Variants in SNX15 observed in about 807,000 individuals in gnomAD.
The protein encoded by SNX15 is sorting nexin-15.
In SNX15, 29 loss-of-function variants were observed where a neutral mutation model predicts 35.2. The observed-to-expected ratio is 0.82, with a 90% CI of 0.61 to 1.12. The LOEUF (loss-of-function observed/expected upper bound fraction) is 1.12, where lower values mean the gene tolerates loss of function less well. Ranked by LOEUF, SNX15 falls within the 50% of genes most tolerant of loss-of-function variation. The pLI, the probability that SNX15 is intolerant of heterozygous loss-of-function variation, is 0.00. For synonymous variants in SNX15, 189 were observed against 188.2 expected (o/e 1.00, Z -0.03); for missense variants, 400 against 451.5 (o/e 0.89, Z 1.03).
At chr11:65,035,709 T>A in intron 6 of SNX15, 46 bp downstream of exon 6, 3 of 1,560,556 alleles carry the variant, frequency 1.9e-6, no homozygotes, top group Non-Finnish European at 2.6e-6. Context: ...AGGACGTCCT[T>A]GGGACAGGGA....
Position 65,027,626 on chromosome 11 carries a change from T to C in SNX15, c.89T>C (p.Val30Ala). ...CCCAAGGGCTACACCGAGTACAAAG[T>C]AACCGCGCAGGTGAGGTGGGGCCCA... The part of the protein sequence containing the change: ...THPKGYTEYK[V>A]TAQFISKKDP... The change falls in exon 1 of 8, where the codon GTA (valine) becomes GCA (alanine). Residue 30 changes from valine (V) to alanine (A), a missense_variant. By Grantham distance (64) the Val-to-Ala change is moderately conservative (BLOSUM62 0). Transcript: ENST00000377244. The C allele has an allele frequency of 1.2e-6, 2 of 1,613,398 alleles. No individual in the cohort carries two copies. The highest frequency in any genetic ancestry group is 1.7e-6 in the Non-Finnish European group (2 of 1,179,446).
At chr11:65,029,823 CA>C (rs1946420834) in intron 1 of SNX15, among the ~76,000 whole-genome samples, 1 of 152,046 alleles carries the variant, frequency 6.6e-6, no homozygotes, top group African/African-American at 2.4e-5. Context: ...GTTATCCTCC[CA>C]CCTCGGCCTT....
In SNX15 at chr11:65,027,618, G is replaced by A. The variant is rs1276372769; in HGVS notation, c.81G>A (p.Glu27=). 2.5e-6 allele frequency: 4 copies of A among 1,613,714 alleles called. No individual in the cohort carries two copies. Among genetic ancestry groups the A allele is most frequent in the East Asian group, 4.5e-5 (2 of 44,882 alleles). The change falls in exon 1 of 8, where the codon GAG becomes GAA. Residue 27 remains glutamate (E), a synonymous_variant. Coordinates refer to ENST00000377244, the MANE Select transcript of SNX15 (RefSeq NM_013306.5). ...DPRTHPKGYT[E]YKVTAQFISK... ...GGACTCACCCCAAGGGCTACACCGA[G>A]TACAAAGTAACCGCGCAGGTGAGGT...
rs114647790 is a variant in SNX15, at chr11:65,034,815, C to G, written c.257-32C>G. 3 of 1,574,266 alleles carry G rather than the reference C, an allele frequency of 1.9e-6. No homozygotes were observed. In the East Asian group the frequency reaches 6.7e-5, roughly 35 times the overall value. On this transcript the variant is annotated intron_variant, in intron 3 of 7. Transcript: ENST00000377244. ...CAGAAGCCCCTGTGGGTCACCGCCACTCTCCCCTGTTCCTTGTCCTGGGGG... is the reference window on the plus strand; with the variant it reads ...CAGAAGCCCCTGTGGGTCACCGCCAGTCTCCCCTGTTCCTTGTCCTGGGGG...
chr11:65,027,836 T>C (rs968743458), intron 1 of SNX15, among the ~76,000 whole-genome samples, 200 bp downstream of exon 1: 4 of 152,186 alleles, frequency 2.6e-5, no homozygotes, highest in African/African-American at 4.8e-5. Flanking sequence ...CTGTCTTTTT[T>C]AAAAGGGCGT....
At position 65,027,542 on chromosome 11, in the gene SNX15, C is replaced by T. The variant is rs564214650; in HGVS notation, c.5C>T (p.Ser2Phe). 2 of 1,613,794 alleles carry T rather than the reference C, an allele frequency of 1.2e-6. No individual in the cohort carries two copies. Among genetic ancestry groups the T allele is most frequent in the Non-Finnish European group, 1.7e-6 (2 of 1,179,892 alleles). The change falls in exon 1 of 8, where the codon TCC becomes TTC. Residue 2 changes from serine to phenylalanine, a missense_variant. Transcript: ENST00000377244. ...GCTCCGCTCCAGCTCGGTTTCATGTCCCGCCAGGCGAAGGATGACTTCCTG... is the reference window on the plus strand; with the variant it reads ...GCTCCGCTCCAGCTCGGTTTCATGTTCCGCCAGGCGAAGGATGACTTCCTG... The part of the protein sequence containing the change: M[S>F]RQAKDDFLRH...
At chr11:65,039,514 G>A (rs1009870477) in intron 7 of SNX15, among the ~76,000 whole-genome samples, 172 bp from the exon 8 acceptor site, 7 of 152,144 alleles carry the variant, frequency 4.6e-5, no homozygotes, top group Non-Finnish European at 8.8e-5. Flanking sequence ...GAGCCACCGC[G>A]CCCAGCATGG....
At chr11:65,037,531 G>A (rs1309747703) in intron 6 of SNX15, 1 of 152,184 alleles carries the variant, frequency 6.6e-6, no homozygotes, top group Non-Finnish European at 1.5e-5. Context: ...ATCTTTTCAA[G>A]ACCCTTCACA....
In SNX15 at chr11:65,035,567, T is replaced by C. The variant is rs754233995; in HGVS notation, c.568T>C (p.Phe190Leu). The C allele has an allele frequency of 6.2e-7, 1 of 1,613,876 alleles. No homozygotes were observed. Among genetic ancestry groups the C allele is most frequent in the Non-Finnish European group, 8.5e-7 (1 of 1,179,882 alleles). Residue 190 changes from phenylalanine (F) to leucine (L), a missense_variant, in exon 6 of 8, where the codon TTT (phenylalanine) becomes CTT (leucine). Coordinates refer to ENST00000377244, the MANE Select transcript of SNX15 (RefSeq NM_013306.5). Reference sequence around the variant, plus strand: ...TGCCCAGGAGGCCCTGGATCTCCTCTTTAACTGTGAGAGCACCGAGGAGGC... The same window carrying C: ...TGCCCAGGAGGCCCTGGATCTCCTCCTTAACTGTGAGAGCACCGAGGAGGC... ...SPAQEALDLL[F>L]NCESTEEASG...
chr11:65,039,110 G>GC (rs908673767), intron 7 of SNX15, among the ~76,000 whole-genome samples: 5 of 134,774 alleles, frequency 3.7e-5, no homozygotes, highest in African/African-American at 8.3e-5. Context: ...TGCAACCTCC[G>GC]CCCCCCAGGT....
chr11:65,027,635 A>C lies in SNX15; in HGVS notation c.98A>C (p.Gln33Pro). The C allele has an allele frequency of 1.9e-6, 3 of 1,611,868 alleles. No individual in the cohort carries two copies. Among genetic ancestry groups the C allele is most frequent in the Non-Finnish European group, 2.5e-6 (3 of 1,178,030 alleles). ...KGYTEYKVTA[Q>P]FISKKDPEDV... is the part of the protein sequence containing the mutation. ...TACACCGAGTACAAAGTAACCGCGCAGGTGAGGTGGGGCCCAGCGCGTACT... is the reference window on the plus strand; with the variant it reads ...TACACCGAGTACAAAGTAACCGCGCCGGTGAGGTGGGGCCCAGCGCGTACT... The change falls in exon 1 of 8, where the codon CAG becomes CCG. Residue 33 changes from glutamine to proline, a missense_variant and splice_region_variant. By Grantham distance (76) the Gln-to-Pro change is moderately conservative (BLOSUM62 -1). Transcript: ENST00000377244.
At position 65,040,106 on chromosome 11, in the gene SNX15, G is replaced by T; in HGVS notation, c.*314G>T. 4.2e-6 allele frequency: 1 copy of T among 238,958 alleles called. No homozygotes were observed. The allele number at this position is 238,958 out of a possible 1,614,324, so 14.8% of individuals were successfully genotyped here. A position where few individuals can be genotyped will look rare whatever the true frequency, so the allele number is the denominator to read the frequency against. ...AACCTCCACCTCCCAGGTTCAAGCA[G>T]TTCTCCTGTCTCAGCCTCCCCAGTA... On this transcript the variant is annotated 3_prime_UTR_variant, in exon 8 of 8. Coordinates refer to ENST00000377244, the MANE Select transcript of SNX15 (RefSeq NM_013306.5).
In SNX15 at chr11:65,034,769, C is replaced by G. The variant is rs1350526748; in HGVS notation, c.257-78C>G. On this transcript the variant is annotated intron_variant, in intron 3 of 7. Transcript: ENST00000377244. ...GTTGCTCAGAGCATCTCAGGCAGGA[C>G]CAGGAAAAGTGGCCTTGGGGCAGAA... 2.8e-6 allele frequency: 3 copies of G among 1,064,176 alleles called. No homozygotes were observed. The African/African-American group carries it at 4.7e-5, about 17-fold the overall frequency. 65.9% of individuals were successfully genotyped at this position (1,064,176 alleles called of 1,614,324 possible).
chr11:65,038,861 C>G (rs762767130), intron 7 of SNX15, 32 bp downstream of exon 7: 36 of 1,509,938 alleles, frequency 2.4e-5, no homozygotes, highest in Non-Finnish European at 3.2e-5. Flanking sequence ...AGGGTCAGGC[C>G]TGGGTCCCAG....
At chr11:65,032,105 C>T (rs895624750) in intron 1 of SNX15, 63 bp from the exon 2 acceptor site, 2 of 1,549,490 alleles carry the variant, frequency 1.3e-6, no homozygotes, top group Non-Finnish European at 1.8e-6. Context: ...TGGGGCATTA[C>T]AGGGTGAGAG....
In SNX15 at chr11:65,032,520, G is replaced by T; in HGVS notation, c.225G>T (p.Glu75Asp). ...THRNLFRRLE[E>D]FPAFPRAQVF... ...GCAACCTCTTCCGCCGCCTCGAGGAGTTCCCTGCTTTCCCCCGGGCCCAGG... is the reference window on the plus strand; with the variant it reads ...GCAACCTCTTCCGCCGCCTCGAGGATTTCCCTGCTTTCCCCCGGGCCCAGG... Residue 75 changes from glutamate (E) to aspartate (D), a missense_variant, in exon 3 of 8, where the codon GAG becomes GAT. Coordinates refer to ENST00000377244, the MANE Select transcript of SNX15 (RefSeq NM_013306.5). 1 of 1,614,180 alleles carries T rather than the reference G, an allele frequency of 6.2e-7. No homozygotes were observed. The highest frequency in any genetic ancestry group is 8.5e-7 in the Non-Finnish European group (1 of 1,180,036).
In SNX15 at chr11:65,027,596, C is replaced by G. The variant is rs1946386628; in HGVS notation, c.59C>G (p.Thr20Ser). The change falls in exon 1 of 8, where the codon ACT becomes AGT. Residue 20 changes from threonine (T) to serine (S), a missense_variant. Thr to Ser is a moderately conservative substitution (Grantham distance 58). Transcript: ENST00000377244. ...LRHYTVSDPR[T>S]HPKGYTEYKV... ...CACTACACAGTGTCGGACCCCAGGACTCACCCCAAGGGCTACACCGAGTAC... is the reference window on the plus strand; with the variant it reads ...CACTACACAGTGTCGGACCCCAGGAGTCACCCCAAGGGCTACACCGAGTAC... 6.2e-7 allele frequency: 1 copy of G among 1,614,104 alleles called. No individual in the cohort carries two copies. The highest frequency in any genetic ancestry group is 1.1e-5 in the South Asian group (1 of 91,084).
intron 2 of SNX15, 49 bp from the exon 3 acceptor site, chr11:65,032,382 G>A (rs1590739201): frequency 6.2e-7 from 1 of 1,612,884 alleles, no homozygotes. Context: ...CATGGGGGCG[G>A]CTGCCTCCCA....
At chr11:65,037,683 G>T (rs534286719) in intron 6 of SNX15, 70 of 152,374 alleles carry the variant, frequency 4.6e-4, no homozygotes, top group African/African-American at 1.6e-3. Context: ...GAATTCTCGA[G>T]GCAAGGAGTG....
Sources: allele counts gnomAD v4.1 joint callset (sites outside exome capture counted in the v4.1 genomes callset), GRCh38; gene constraint gnomAD v4.1.1; transcripts MANE v1.5; gene names NCBI Gene and HGNC (gene_info 2026-07-23, HGNC 2026-07-21).